Variants in PKN2 observed in about 807,000 individuals in gnomAD.
PKN2 encodes serine/threonine-protein kinase N2.
Under a neutral mutation model 119.1 loss-of-function variants are expected in PKN2, and 38 were observed. The observed-to-expected ratio is 0.32, with a 90% CI of 0.25 to 0.42. The LOEUF is 0.42. PKN2 is among the 10% of genes least tolerant of loss of function. The pLI is 1.00. For missense variants in PKN2, 850 were observed against 1,165.1 expected (o/e 0.73, Z 3.94); for synonymous variants, 390 against 384.9 (o/e 1.01, Z -0.15).
At chr1:88,722,292 G>A (rs1179475810) in intron 1 of PKN2, among the ~76,000 whole-genome samples, 3 of 151,986 alleles carry the variant, frequency 2.0e-5, no homozygotes, top group Admixed American at 6.6e-5. Flanking sequence ...ATATGTATGC[G>A]ACCTAATGGA....
In PKN2 at chr1:88,742,858, G is replaced by A. The variant is rs75258219; in HGVS notation, c.349+1570G>A. Among the ~76,000 whole-genome samples, 6 of 152,182 alleles carry A rather than the reference G, an allele frequency of 3.9e-5. No individual in the cohort carries two copies. In the East Asian group the frequency reaches 5.8e-4, roughly 15 times the overall value. On this transcript the variant is annotated intron_variant, in intron 2 of 21. Coordinates refer to ENST00000370521, the MANE Select transcript of PKN2 (RefSeq NM_006256.4). Reference sequence around the variant, plus strand: ...GGATATAGAAGAGTTTTATCATCACGAGGAGCCCATTTGGTTTCCCCATTC... The same window carrying A: ...GGATATAGAAGAGTTTTATCATCACAAGGAGCCCATTTGGTTTCCCCATTC...
At position 88,822,681 on chromosome 1, in the gene PKN2, C is replaced by T. The variant is rs984513223; in HGVS notation, c.2342+678C>T. On this transcript the variant is annotated intron_variant, in intron 17 of 21. Transcript: ENST00000370521. ...GCAACCTCTGCCTCCTGGGTTCAAG[C>T]GATTCTCCTGCCTCAGCCTCCTGAG... is the stretch of plus-strand genomic sequence containing the variant. Among the ~76,000 whole-genome samples the T allele has an allele frequency of 4.0e-5, 6 of 150,806 alleles. No individual in the cohort carries two copies. The East Asian group carries it at 7.9e-4, about 20-fold the overall frequency.
chr1:88,832,486 T>C (rs3767390), intron 19 of PKN2, among the ~76,000 whole-genome samples: 3,101 of 152,138 alleles, frequency 0.02, 68 homozygotes, highest in South Asian at 0.07. Context: ...AAGTTTTTTA[T>C]AAGGGTCTAT....
chr1:88,805,879 A>G lies in PKN2; in HGVS notation c.1677-12A>G. 2 of 1,613,230 alleles carry G rather than the reference A, an allele frequency of 1.2e-6. No individual in the cohort carries two copies. Among genetic ancestry groups the G allele is most frequent in the South Asian group, 1.1e-5 (1 of 90,856 alleles). ...TATTACTGTTTTGGTGAGTTACTTTATCTTCTATAAGTGATTCTACAGTAA... is the reference window on the plus strand; with the variant it reads ...TATTACTGTTTTGGTGAGTTACTTTGTCTTCTATAAGTGATTCTACAGTAA... On this transcript the variant is annotated splice_polypyrimidine_tract_variant and intron_variant, in intron 11 of 21. Coordinates refer to ENST00000370521, the MANE Select transcript of PKN2 (RefSeq NM_006256.4).
chr1:88,711,317 A>G (rs1000741271), intron 1 of PKN2, among the ~76,000 whole-genome samples: 1 of 152,088 alleles, frequency 6.6e-6, no homozygotes, highest in African/African-American at 2.4e-5. Context: ...TGGAAAAAAA[A>G]AAGAACTTAA....
At chr1:88,731,335 GAGA>G (rs1405338746) in intron 1 of PKN2, among the ~76,000 whole-genome samples, 4 of 152,204 alleles carry the variant, frequency 2.6e-5, no homozygotes, top group South Asian at 4.1e-4. Flanking sequence ...GATGAAATTA[GAGA>G]AGAAGAAATG....
At chr1:88,825,232 T>G (rs1570689750) in intron 18 of PKN2, among the ~76,000 whole-genome samples, 1 of 152,364 alleles carries the variant, frequency 6.6e-6, no homozygotes, top group African/African-American at 2.4e-5. Context: ...TTGACTGGGC[T>G]TCTTTTTATT....
intron 15 of PKN2, among the ~76,000 whole-genome samples, chr1:88,808,706 T>A (rs1385087036): frequency 6.6e-6 from 1 of 152,208 alleles, no homozygotes; most frequent in African/African-American, 2.4e-5. Context: ...TAATTAAATA[T>A]GGACATTATT....
chr1:88,769,116 C>T (rs577681168), intron 3 of PKN2, among the ~76,000 whole-genome samples: 19 of 152,296 alleles, frequency 1.2e-4, no homozygotes, highest in Admixed American at 1.1e-3. Flanking sequence ...GCTTCAGACA[C>T]TGAGGAATTA....
At chr1:88,696,832 A>G (rs1255317266) in intron 1 of PKN2, among the ~76,000 whole-genome samples, 10 of 152,174 alleles carry the variant, frequency 6.6e-5, no homozygotes, top group Non-Finnish European at 1.0e-4. Context: ...TATACTTTTC[A>G]TCATCTGACC....
At chr1:88,686,693 T>A (rs1386447919) in intron 1 of PKN2, among the ~76,000 whole-genome samples, 2 of 152,132 alleles carry the variant, frequency 1.3e-5, no homozygotes, top group Non-Finnish European at 2.9e-5. Context: ...GACTATTACT[T>A]ATATCAACAC....
chr1:88,781,215 G>T, intron 6 of PKN2: 1 of 1,154,938 alleles, frequency 8.7e-7, no homozygotes, highest in Non-Finnish European at 1.1e-6. Context: ...TTTGTGGTTC[G>T]TCTCATACTC....
Position 88,804,421 on chromosome 1 carries a change from C to T in PKN2, c.1312C>T (p.Arg438Cys), listed in dbSNP as rs777820496. 1.2e-6 allele frequency: 2 copies of T among 1,609,472 alleles called. No homozygotes were observed. Among genetic ancestry groups the T allele is most frequent in the African/African-American group, 1.3e-5 (1 of 74,630 alleles). The change falls in exon 9 of 22, where the codon CGT becomes TGT. Residue 438 changes from arginine (R) to cysteine (C), a missense_variant. Physicochemically the swap from Arg to Cys is radical, Grantham distance 180. Transcript: ENST00000370521. Reference protein sequence around the residue: ...SRELEISVYWRDWRSLCAVKF... With the variant: ...SRELEISVYWCDWRSLCAVKF... Reference sequence around the variant, plus strand: ...TGAACTGGAAATTTCAGTTTATTGGCGTGATTGGCGGTCTCTGTGTGCTGT... The same window carrying T: ...TGAACTGGAAATTTCAGTTTATTGGTGTGATTGGCGGTCTCTGTGTGCTGT...
At chr1:88,829,407 C>A in intron 19 of PKN2, 1 of 280,506 alleles carries the variant, frequency 3.6e-6, no homozygotes. Flanking sequence ...CTGTGAACTT[C>A]CTAGATTGTT....
Position 88,770,932 on chromosome 1 carries a change from A to G in PKN2, c.622+463A>G, listed in dbSNP as rs530157747. On this transcript the variant is annotated intron_variant, in intron 4 of 21. Transcript: ENST00000370521. ...AGTTTTAGACTCTTCACTTGGATAG[A>G]TGCTTTTAGATATTTGGCCCTTATG... 3.9e-4 allele frequency among the ~76,000 whole-genome samples: 56 copies of G among 144,804 alleles called. No homozygotes were observed. The South Asian group carries it at 0.012, about 31-fold the overall frequency. 95.0% of individuals were successfully genotyped at this position (144,804 alleles called of 152,430 possible). A position where few individuals can be genotyped will look rare whatever the true frequency, so the allele number is the denominator to read the frequency against.
intron 1 of PKN2, among the ~76,000 whole-genome samples, chr1:88,703,508 A>G (rs1394530652): frequency 6.6e-6 from 1 of 152,162 alleles, no homozygotes; most frequent in Non-Finnish European, 1.5e-5. Flanking sequence ...AGTTAGCCCA[A>G]CTGGCATTTG....
chr1:88,718,414 C>G (rs1667543001), intron 1 of PKN2, among the ~76,000 whole-genome samples: 1 of 152,134 alleles, frequency 6.6e-6, no homozygotes, highest in Non-Finnish European at 1.5e-5. Flanking sequence ...ATTCCCTGCC[C>G]CCAGAGGTGG....
chr1:88,694,703 G>A (rs573452423), intron 1 of PKN2, among the ~76,000 whole-genome samples: 2 of 152,218 alleles, frequency 1.3e-5, no homozygotes, highest in Admixed American at 1.3e-4. Flanking sequence ...CAGAGTGCCC[G>A]AACTATTTTG....
At chr1:88,716,950 G>A (rs1413350778) in intron 1 of PKN2, among the ~76,000 whole-genome samples, 13 of 152,150 alleles carry the variant, frequency 8.5e-5, no homozygotes, top group Admixed American at 8.5e-4. Flanking sequence ...TCCTTTCCAT[G>A]TTTAGTGCTT....
Sources: gnomAD v4.1 joint callset for allele counts (sites outside exome capture counted in the v4.1 genomes callset) on GRCh38, gnomAD v4.1.1 for gene constraint, MANE v1.5 for transcripts, NCBI Gene and HGNC (gene_info 2026-07-23, HGNC 2026-07-21) for gene names.